The following PPARGC1A variants were observed in gnomAD, a reference collection of about 807,000 sequenced individuals.
The protein encoded by PPARGC1A is PPARG coactivator 1 alpha, also known as peroxisome proliferator-activated receptor gamma coactivator 1-alpha.
A neutral mutation model predicts 88.7 loss-of-function variants in PPARGC1A; 25 were observed. That is an observed-to-expected ratio of 0.28 (90% CI 0.21 to 0.39). The LOEUF is 0.39. PPARGC1A is among the 10% of genes least tolerant of loss of function. PPARGC1A has a pLI of 1.00. For missense variants in PPARGC1A, 880 were observed against 968.7 expected (o/e 0.91, Z 1.22); for synonymous variants, 363 against 355.6 (o/e 1.02, Z -0.24).
the PPARGC1A span, among the ~76,000 whole-genome samples, chr4:23,992,210 C>T: frequency 3.3e-5 from 5 of 151,718 alleles, no homozygotes; most frequent in Non-Finnish European, 4.4e-5. Context: ...TGCACTAGTA[C>T]AGAAGGCAGG....
At chr4:23,964,443 C>T in the PPARGC1A span, among the ~76,000 whole-genome samples, 1 of 152,156 alleles carries the variant, frequency 6.6e-6, no homozygotes, top group South Asian at 2.1e-4. Flanking sequence ...AGGCTGGCTT[C>T]TAGGGTTTTT....
upstream of PPARGC1A, among the ~76,000 whole-genome samples, chr4:23,908,388 A>G (rs184793970): frequency 1.3e-5 from 2 of 152,132 alleles, no homozygotes; most frequent in Admixed American, 1.3e-4. Context: ...CACTATAACT[A>G]CCCAAAGTTG....
intron 7 of PPARGC1A, among the ~76,000 whole-genome samples, chr4:23,816,018 G>C (rs1208595117): frequency 6.6e-6 from 1 of 152,154 alleles, no homozygotes; most frequent in Non-Finnish European, 1.5e-5. Context: ...TTATAATTAA[G>C]AAATGGAAAG....
At chr4:24,091,771 C>A in the PPARGC1A span, 3 of 342,650 alleles carry the variant, frequency 8.8e-6, no homozygotes, top group Non-Finnish European at 1.2e-5. Flanking sequence ...AGCCATCAAG[C>A]GTCCAGAGAT....
the PPARGC1A span, among the ~76,000 whole-genome samples, chr4:24,099,273 T>C: frequency 1.4e-5 from 2 of 141,364 alleles, no homozygotes; most frequent in Non-Finnish European, 3.0e-5. Context: ...CTTCCCCTCA[T>C]TCTCTCCCTC....
chr4:23,953,996 C>T, the PPARGC1A span, among the ~76,000 whole-genome samples: 1 of 151,992 alleles, frequency 6.6e-6, no homozygotes, highest in African/African-American at 2.4e-5. Flanking sequence ...GGCTTCTTCC[C>T]TCCACCTTAT....
At chr4:24,182,065 G>A in the PPARGC1A span, among the ~76,000 whole-genome samples, 1 of 152,094 alleles carries the variant, frequency 6.6e-6, no homozygotes, top group Admixed American at 6.5e-5. Context: ...ATGTGCCATG[G>A]TGGTTTGCTG....
chr4:23,997,523 G>A, the PPARGC1A span, among the ~76,000 whole-genome samples: 1 of 94,036 alleles, frequency 1.1e-5, no homozygotes, highest in Non-Finnish European at 2.0e-5. Flanking sequence ...TTTTTTTGGC[G>A]ATGGAGTCTC....
the PPARGC1A span, among the ~76,000 whole-genome samples, chr4:24,280,764 C>T: frequency 6.6e-6 from 1 of 152,098 alleles, no homozygotes; most frequent in Admixed American, 6.6e-5. Context: ...CCATTTGATC[C>T]CCAAGTTTTC....
At chr4:24,149,007 C>G in the PPARGC1A span, among the ~76,000 whole-genome samples, 2 of 152,122 alleles carry the variant, frequency 1.3e-5, no homozygotes, top group Non-Finnish European at 2.9e-5. Context: ...CATACTGCAT[C>G]CAAATGTTCA....
At chr4:24,215,906 A>C in the PPARGC1A span, among the ~76,000 whole-genome samples, 1 of 152,094 alleles carries the variant, frequency 6.6e-6, no homozygotes, top group East Asian at 1.9e-4. Context: ...CTTATAGTTC[A>C]CCCCTACTCC....
the PPARGC1A span, among the ~76,000 whole-genome samples, chr4:24,387,132 C>T: frequency 6.6e-6 from 1 of 152,120 alleles, no homozygotes; most frequent in Admixed American, 6.5e-5. Context: ...CAAAAACAAG[C>T]AACGGGGAAA....
At chr4:23,861,452 A>C (rs958193390) in intron 2 of PPARGC1A, among the ~76,000 whole-genome samples, 1 of 152,178 alleles carries the variant, frequency 6.6e-6, no homozygotes, top group Non-Finnish European at 1.5e-5. Context: ...TCCTTCATTC[A>C]CCAGCTACTG....
At chr4:24,354,988 C>T in the PPARGC1A span, among the ~76,000 whole-genome samples, 4 of 152,102 alleles carry the variant, frequency 2.6e-5, no homozygotes, top group East Asian at 1.9e-4. Flanking sequence ...CAGCTTAAAC[C>T]AAAATGGAAA....
At chr4:24,447,558 A>T in the PPARGC1A span, among the ~76,000 whole-genome samples, 1 of 152,162 alleles carries the variant, frequency 6.6e-6, no homozygotes, top group Non-Finnish European at 1.5e-5. Context: ...TTCACAGGAG[A>T]TGTGGCTTCA....
chr4:24,397,415 C>T, the PPARGC1A span, among the ~76,000 whole-genome samples: 1 of 152,112 alleles, frequency 6.6e-6, no homozygotes, highest in Non-Finnish European at 1.5e-5. Flanking sequence ...GAATAAATCC[C>T]CAATTTTTTA....
chr4:23,923,303 C>T, the PPARGC1A span, among the ~76,000 whole-genome samples: 1 of 152,004 alleles, frequency 6.6e-6, no homozygotes, highest in Non-Finnish European at 1.5e-5. Flanking sequence ...GTAACAGAAA[C>T]GTGGTTGTAT....
At chr4:24,219,152 T>TC in the PPARGC1A span, among the ~76,000 whole-genome samples, 1 of 152,196 alleles carries the variant, frequency 6.6e-6, no homozygotes, top group Non-Finnish European at 1.5e-5. Context: ...ATAACTGGTA[T>TC]CCAGCCAAAC....
At chr4:24,195,832 T>A in the PPARGC1A span, among the ~76,000 whole-genome samples, 1 of 152,194 alleles carries the variant, frequency 6.6e-6, no homozygotes, top group South Asian at 2.1e-4. Flanking sequence ...TCACATGTAG[T>A]TAAGGTTCTG....
Sources: gnomAD v4.1 joint callset for allele counts (sites outside exome capture counted in the v4.1 genomes callset) on GRCh38, gnomAD v4.1.1 for gene constraint, MANE v1.5 for transcripts, NCBI Gene and HGNC (gene_info 2026-07-23, HGNC 2026-07-21) for gene names.